Variants in CARMIL2 observed in about 807,000 individuals in gnomAD.
CARMIL2 encodes the protein capping protein, Arp2/3 and myosin-I linker protein 2.
Under a neutral mutation model 173.3 loss-of-function variants are expected in CARMIL2, and 96 were observed. The ratio of observed to expected loss-of-function variants is 0.55; its 90% CI spans 0.47 to 0.66. The LOEUF is 0.66. CARMIL2 is among the 30% of genes least tolerant of loss of function. The probability of loss-of-function intolerance (pLI) is 0.00; values close to 1 mark genes in which losing one functional copy is unlikely to be tolerated. For missense variants in CARMIL2, 1,771 were observed against 1,906.7 expected (o/e 0.93, Z 1.33); for synonymous variants, 830 against 817.1 (o/e 1.02, Z -0.27).
At chr16:67,647,803 T>TGGGGGGGGGGGGGGGGGGGGGGGGGGG (rs1344078419) in intron 12 of CARMIL2, 37 bp downstream of exon 12, 31 of 260,680 alleles carry the variant, frequency 1.2e-4, no homozygotes, top group Middle Eastern at 1.4e-3. Flanking sequence ...GGGAGGGGGG[T>TGGGGGGGGGGGGGGGGGGGGGGGGGGG]GGGGGTCTGT....
rs1273402441 is a variant in CARMIL2, at chr16:67,649,040, C to T, written c.1592-36C>T. The T allele has an allele frequency of 6.2e-7, 1 of 1,605,530 alleles. No individual in the cohort carries two copies. On this transcript the variant is annotated intron_variant, in intron 17 of 37. Transcript: ENST00000334583. This position sits in a 1 kb window ranked among gnomAD's most constrained non-coding sequence, Gnocchi z 6.7. Reference sequence around the variant, plus strand: ...ATTCCCAATCCCCACCCTACCCTTGCAACTTCGCCTCGTGCGTGACCCGAG... The same window carrying T: ...ATTCCCAATCCCCACCCTACCCTTGTAACTTCGCCTCGTGCGTGACCCGAG...
In CARMIL2 at chr16:67,648,372, C is replaced by T. The variant is rs60228910; in HGVS notation, c.1335-26C>T. 24,023 of 1,540,092 alleles carry T rather than the reference C, an allele frequency of 0.016. 1,612 individuals carry two copies. In the African/African-American group the frequency reaches 0.17, roughly 11 times the overall value. On this transcript the variant is annotated intron_variant, in intron 14 of 37. Transcript: ENST00000334583. This position sits in a 1 kb window ranked among gnomAD's most constrained non-coding sequence, Gnocchi z 6.1. ...GCTGGAAGCCGCCTCCTTGCGGCCC[C>T]AGGCCCACCTTCCCACTTCCCCCAG...
intron 32 of CARMIL2, 63 bp from the exon 33 acceptor site, chr16:67,655,968 G>A (rs969878125): frequency 1.6e-5 from 25 of 1,543,664 alleles, no homozygotes; most frequent in Middle Eastern, 1.7e-4. Context: ...GAACAAGAAC[G>A]AACAAAAGGC....
intron 3 of CARMIL2, 43 bp from the exon 4 acceptor site, chr16:67,645,975 C>T (rs753652220): frequency 2.6e-5 from 42 of 1,609,900 alleles, no homozygotes; most frequent in African/African-American, 6.7e-5. Flanking sequence ...TCCATGAGGG[C>T]GGGGCTGGGG....
rs1234284207 is a variant in CARMIL2 at position 67,652,130 on chromosome 16, C to T, written c.2677-69C>T. 8 of 1,598,960 alleles carry T rather than the reference C, an allele frequency of 5.0e-6. No homozygotes were observed. Among genetic ancestry groups the T allele is most frequent in the Non-Finnish European group, 6.8e-6 (8 of 1,172,004 alleles). On this transcript the variant is annotated intron_variant, in intron 26 of 37. Transcript: ENST00000334583. This position sits in a 1 kb window ranked among gnomAD's most constrained non-coding sequence, Gnocchi z 4.7. ...TGTAGCCCAGGGCTATTTCAGGGTC[C>T]CCTTAGTTAGCATCAATGGGATCAT...
At position 67,657,173 on chromosome 16, in the gene CARMIL2, G is replaced by A; in HGVS notation, c.4118-66G>A. On this transcript the variant is annotated intron_variant, in intron 36 of 37. Coordinates refer to ENST00000334583, the MANE Select transcript of CARMIL2 (RefSeq NM_001013838.3). This position sits in a 1 kb window ranked among gnomAD's most constrained non-coding sequence, Gnocchi z 4.5. ...GCTTATGTGCACTGGAGGTGGAAGA[G>A]AGGGGCAGGGGATGGACAGACCCCA... 1 of 1,414,218 alleles carries A rather than the reference G, an allele frequency of 7.1e-7. No individual in the cohort carries two copies. Among genetic ancestry groups the A allele is most frequent in the Non-Finnish European group, 9.9e-7 (1 of 1,012,036 alleles). The allele number at this position is 1,414,218 out of a possible 1,614,324, so 87.6% of individuals were successfully genotyped here. A position where few individuals can be genotyped will look rare whatever the true frequency, so the allele number is the denominator to read the frequency against.
chr16:67,657,337 G>A lies in CARMIL2; in HGVS notation c.4195+21G>A, dbSNP rs373114629. 5.6e-3 allele frequency: 9,094 copies of A among 1,612,664 alleles called. 496 individuals carry two copies. The South Asian group carries it at 0.094, about 17-fold the overall frequency. ...CCTAGGTAAGAGGGGGTCCAGGCCA[G>A]CTGGGAGGGTGGCAGGACTGCTTAG... On this transcript the variant is annotated intron_variant, in intron 37 of 37. Coordinates refer to ENST00000334583, the MANE Select transcript of CARMIL2 (RefSeq NM_001013838.3). The surrounding 1 kb of genome is among the most constrained non-coding windows in gnomAD (Gnocchi z 4.5).
In CARMIL2 at chr16:67,645,299, C is replaced by T. The variant is rs756280377; in HGVS notation, c.40+13C>T. The T allele has an allele frequency of 1.9e-6, 3 of 1,600,952 alleles. No homozygotes were observed. The highest frequency in any genetic ancestry group is 2.7e-5 in the African/African-American group (2 of 74,696). On this transcript the variant is annotated intron_variant, in intron 1 of 37. Coordinates refer to ENST00000334583, the MANE Select transcript of CARMIL2 (RefSeq NM_001013838.3). ...TGTGAGCTCCGAGGTAAGCGCTGGC[C>T]CTTCCTGCCTTCTTGGCCGGGAGGA...
rs775177329 is a variant in CARMIL2, at chr16:67,649,666, G to A, written c.1919+47G>A. The stretch of plus-strand genomic sequence containing the variant: ...GGACCAGCGGGCAGGGGGCGCGGTG[G>A]AGAGGAGGGCACCGGGCTAAGGGGA... On this transcript the variant is annotated intron_variant, in intron 20 of 37. Coordinates refer to ENST00000334583, the MANE Select transcript of CARMIL2 (RefSeq NM_001013838.3). This position sits in a 1 kb window ranked among gnomAD's most constrained non-coding sequence, Gnocchi z 6.7. 1.9e-6 allele frequency: 3 copies of A among 1,560,024 alleles called. No homozygotes were observed. The South Asian group carries it at 3.5e-5, about 18-fold the overall frequency.
chr16:67,647,014 G>A (rs1348426069), intron 8 of CARMIL2, 41 bp downstream of exon 8: 1 of 1,608,722 alleles, frequency 6.2e-7, no homozygotes, highest in East Asian at 2.2e-5. Context: ...AAGATCCCGG[G>A]GCCCATATCC....
intron 22 of CARMIL2, chr16:67,650,352 C>T (rs567275298): frequency 3.0e-5 from 18 of 591,436 alleles, no homozygotes; most frequent in African/African-American, 1.7e-4. Flanking sequence ...GGCTGCCTAA[C>T]GTTAAGCCTG....
At chr16:67,656,734 G>T in intron 35 of CARMIL2, 67 bp from the exon 36 acceptor site, 1 of 1,563,326 alleles carries the variant, frequency 6.4e-7, no homozygotes. Context: ...AGGACCCTGA[G>T]GGTGGGAGGC....
chr16:67,652,570 G>A lies in CARMIL2; in HGVS notation c.2884+32G>A, dbSNP rs1389406562. 6.9e-6 allele frequency: 11 copies of A among 1,602,328 alleles called. No homozygotes were observed. The African/African-American group carries it at 1.2e-4, about 18-fold the overall frequency. ...CAGGGCCTTGGGGGAGGGAGTTTAC[G>A]TGGGTGGGCTGAAGCTCCATTAGAC... On this transcript the variant is annotated intron_variant, in intron 28 of 37. Coordinates refer to ENST00000334583, the MANE Select transcript of CARMIL2 (RefSeq NM_001013838.3). The surrounding 1 kb of genome is among the most constrained non-coding windows in gnomAD (Gnocchi z 4.7).
At position 67,646,706 on chromosome 16, in the gene CARMIL2, C is replaced by T. The variant is rs763325001; in HGVS notation, c.467-8C>T. 1.2e-6 allele frequency: 2 copies of T among 1,613,888 alleles called. No individual in the cohort carries two copies. The highest frequency in any genetic ancestry group is 2.2e-5 in the East Asian group (1 of 44,878). Reference sequence around the variant, plus strand: ...CTTTTCCACATCGCACCCCTATCCCCTCCCCAGGTGGCTTCTTGGAGACAT... The same window carrying T: ...CTTTTCCACATCGCACCCCTATCCCTTCCCCAGGTGGCTTCTTGGAGACAT... On this transcript the variant is annotated splice_polypyrimidine_tract_variant and splice_region_variant and intron_variant, in intron 6 of 37. Transcript: ENST00000334583. The surrounding 1 kb of genome is among the most constrained non-coding windows in gnomAD (Gnocchi z 4.6).
In CARMIL2 at chr16:67,651,439, C is replaced by A. The variant is rs1056185267; in HGVS notation, c.2352C>A (p.Ser784Arg). ...TATATGAAGCTGGAAGCTCCCCAAG[C>A]CATCACTGGCAGCTTGGGCAGAAGC... ...PILYEAGSSP[S>R]HHWQLGQKLE... The change falls in exon 24 of 38, where the codon AGC becomes AGA. Residue 784 changes from serine (S) to arginine (R), a missense_variant. Coordinates refer to ENST00000334583, the MANE Select transcript of CARMIL2 (RefSeq NM_001013838.3). This position sits in a 1 kb window ranked among gnomAD's most constrained non-coding sequence, Gnocchi z 4.2. 4 of 1,596,362 alleles carry A rather than the reference C, an allele frequency of 2.5e-6. No individual in the cohort carries two copies. The highest frequency in any genetic ancestry group is 3.4e-6 in the Non-Finnish European group (4 of 1,170,088).
chr16:67,650,032 A>G lies in CARMIL2; in HGVS notation c.2083-17A>G. ...TAACTCCGTCCCTCGGCATTTCTCA[A>G]TACCCCTTGCCCCTAGATCCAAGCC... is the stretch of plus-strand genomic sequence containing the variant. On this transcript the variant is annotated splice_polypyrimidine_tract_variant and intron_variant, in intron 21 of 37. Coordinates refer to ENST00000334583, the MANE Select transcript of CARMIL2 (RefSeq NM_001013838.3). 6.2e-7 allele frequency: 1 copy of G among 1,613,522 alleles called. No individual in the cohort carries two copies. Among genetic ancestry groups the G allele is most frequent in the Non-Finnish European group, 8.5e-7 (1 of 1,179,740 alleles).
At position 67,654,291 on chromosome 16, in the gene CARMIL2, G is replaced by A. The variant is rs1447833779; in HGVS notation, c.3222-41G>A. 5 of 1,577,364 alleles carry A rather than the reference G, an allele frequency of 3.2e-6. No individual in the cohort carries two copies. The South Asian group carries it at 5.8e-5, about 18-fold the overall frequency. On this transcript the variant is annotated intron_variant, in intron 30 of 37. Coordinates refer to ENST00000334583, the MANE Select transcript of CARMIL2 (RefSeq NM_001013838.3). ...TGCTGGGGGTGGGAGAGGGTGGGATGCCTGATGGGCTTTCTCGCTCACTGC... is the reference window on the plus strand; with the variant it reads ...TGCTGGGGGTGGGAGAGGGTGGGATACCTGATGGGCTTTCTCGCTCACTGC...
chr16:67,654,512 C>A lies in CARMIL2; in HGVS notation c.3402C>A (p.Asp1134Glu), dbSNP rs1567635563. 1.2e-6 allele frequency: 2 copies of A among 1,611,826 alleles called. No homozygotes were observed. Among genetic ancestry groups the A allele is most frequent in the Non-Finnish European group, 1.7e-6 (2 of 1,179,402 alleles). ...APRTRKTTFGDLLRPPTRPSR... is the reference protein window; with the variant it reads ...APRTRKTTFGELLRPPTRPSR... ...GAACCCGAAAAACTACATTTGGCGA[C>A]CTACTGCGGCCGCCAACCCGTCCCA... The change falls in exon 31 of 38, where the codon GAC becomes GAA. Residue 1134 changes from aspartate to glutamate, a missense_variant. Physicochemically the swap from Asp to Glu is conservative, Grantham distance 45. Coordinates refer to ENST00000334583, the MANE Select transcript of CARMIL2 (RefSeq NM_001013838.3).
In CARMIL2 at chr16:67,648,052, G is replaced by A. The variant is rs2052633301; in HGVS notation, c.1072G>A (p.Gly358Ser). ...CATCGCACCCCTGTCCTCCCTCCAG[G>A]GCCTCTATAGCTTCCTGAGCCGTCC... is the stretch of plus-strand genomic sequence containing the variant. ...GALGASEDSGGLYSFLSRPNV... is the reference protein window; with the variant it reads ...GALGASEDSGSLYSFLSRPNV... The change falls in exon 14 of 38, where the codon GGC becomes AGC. Residue 358 changes from glycine to serine, a missense_variant and splice_region_variant. Physicochemically the swap from Gly to Ser is moderately conservative, Grantham distance 56. This residue lies in a region of CARMIL2 where 944 missense variants were observed against 975.6 expected (regional missense o/e 0.97). Coordinates refer to ENST00000334583, the MANE Select transcript of CARMIL2 (RefSeq NM_001013838.3). The surrounding 1 kb of genome is among the most constrained non-coding windows in gnomAD (Gnocchi z 6.1). 1 of 1,611,578 alleles carries A rather than the reference G, an allele frequency of 6.2e-7. No individual in the cohort carries two copies. The highest frequency in any genetic ancestry group is 1.7e-5 in the Admixed American group (1 of 59,662).
Sources: allele counts gnomAD v4.1 joint callset, GRCh38; gene constraint gnomAD v4.1.1; regional missense constraint gnomAD v4.1.1; non-coding constraint Gnocchi (gnomAD v3.1); transcripts MANE v1.5; gene names NCBI Gene and HGNC (gene_info 2026-07-23, HGNC 2026-07-21).